ARAP2: variants seen among roughly 807,000 people sequenced by gnomAD.
The protein encoded by ARAP2 is arf-GAP with Rho-GAP domain, ANK repeat and PH domain-containing protein 2.
A neutral mutation model predicts 194.5 loss-of-function variants in ARAP2; 148 were observed. That is an observed-to-expected ratio of 0.76 (90% CI 0.67 to 0.87). ARAP2 has a LOEUF of 0.87. ARAP2 is among the 40% of genes least tolerant of loss of function. The pLI, the probability that ARAP2 is intolerant of heterozygous loss-of-function variation, is 0.00. For synonymous variants in ARAP2, 695 were observed against 683.5 expected, an observed-to-expected ratio of 1.02 and a Z score of -0.26; for missense variants, 2,128 against 1,989.7, an observed-to-expected ratio of 1.07 and a Z score of -1.32.
intron 27 of ARAP2, among the ~76,000 whole-genome samples, chr4:36,092,747 T>G (rs1013557399): frequency 6.6e-5 from 10 of 152,218 alleles, no homozygotes; most frequent in African/African-American, 2.2e-4. Context: ...TTTTTTCTAA[T>G]GTGGCTACTA....
At chr4:36,057,348 G>GT (rs77470022) in intron 2 of ARAP2, among the ~76,000 whole-genome samples, 1,497 of 143,700 alleles carry the variant, frequency 0.01, 25 homozygotes, top group African/African-American at 0.03. Flanking sequence ...TTTTGTGTAG[G>GT]TTTTTTTTTT....
intron 6 of ARAP2, among the ~76,000 whole-genome samples, chr4:36,196,642 AC>A (rs769087163): frequency 2.0e-5 from 3 of 152,200 alleles, no homozygotes; most frequent in Non-Finnish European, 2.9e-5. Context: ...GGAATGAGAA[AC>A]CACAGGGTGT....
At position 36,133,283 on chromosome 4, in the gene ARAP2, T is replaced by C. The variant is rs769505041; in HGVS notation, c.3370A>G (p.Ser1124Gly). The C allele has an allele frequency of 3.1e-6, 5 of 1,611,404 alleles. No homozygotes were observed. Among genetic ancestry groups the C allele is most frequent in the Admixed American group, 3.3e-5 (2 of 59,710 alleles). The part of the protein sequence containing the change: ...DGNALQDQQL[S>G]KNDVPIIVNS... The stretch of plus-strand genomic sequence containing the variant: ...ACTATAATGGGAACGTCATTTTTGC[T>C]GAGCTGCTGATCTTGTAAAGCATTA... The change falls in exon 20 of 33, where the codon AGC (serine) becomes GGC (glycine). Residue 1124 changes from serine (S) to glycine (G), a missense_variant. Ser to Gly is a moderately conservative substitution (Grantham distance 56). Transcript: ENST00000303965.
At chr4:36,223,782 A>G (rs1283041104) in intron 2 of ARAP2, among the ~76,000 whole-genome samples, 1 of 152,030 alleles carries the variant, frequency 6.6e-6, no homozygotes, top group African/African-American at 2.4e-5. Flanking sequence ...CAAGAAGGCC[A>G]CCATCTGATA....
intron 5 of ARAP2, among the ~76,000 whole-genome samples, chr4:36,023,414 C>A (rs1420346247): frequency 6.6e-6 from 1 of 152,026 alleles, no homozygotes; most frequent in Non-Finnish European, 1.5e-5. Flanking sequence ...ATTGCATGAT[C>A]ATCTTCATCT....
At chr4:36,129,584 C>T (rs59962361) in intron 20 of ARAP2, among the ~76,000 whole-genome samples, 46,905 of 151,604 alleles carry the variant, frequency 0.31, 8,316 homozygotes, top group East Asian at 0.47. Flanking sequence ...CCCCTAACTT[C>T]CATGATATCA....
intron 5 of ARAP2, among the ~76,000 whole-genome samples, chr4:36,037,235 T>C (rs1720076046): frequency 6.6e-6 from 1 of 152,184 alleles, no homozygotes; most frequent in Admixed American, 6.6e-5. Context: ...GCACTGACAT[T>C]GTGGTGTCAT....
chr4:36,195,714 T>G (rs923823703), intron 6 of ARAP2, among the ~76,000 whole-genome samples: 1 of 152,212 alleles, frequency 6.6e-6, no homozygotes, highest in Non-Finnish European at 1.5e-5. Flanking sequence ...CTAAACCAAC[T>G]ACAAAGAAAT....
chr4:36,137,302 T>G (rs184414377), intron 19 of ARAP2, among the ~76,000 whole-genome samples: 13 of 151,980 alleles, frequency 8.6e-5, no homozygotes. Flanking sequence ...TGGAAATAAG[T>G]TGAAATCCCA....
At chr4:36,221,922 T>G (rs946714344) in intron 2 of ARAP2, among the ~76,000 whole-genome samples, 1 of 152,114 alleles carries the variant, frequency 6.6e-6, no homozygotes, top group African/African-American at 2.4e-5. Context: ...GGTATCCTAA[T>G]CCTACCAATA....
At chr4:36,098,560 A>G (rs1715969840) in intron 27 of ARAP2, among the ~76,000 whole-genome samples, 1 of 152,132 alleles carries the variant, frequency 6.6e-6, no homozygotes, top group Non-Finnish European at 1.5e-5. Flanking sequence ...TAAAACATGA[A>G]ATAAATGGAC....
At chr4:36,207,601 G>A (rs959156358) in intron 6 of ARAP2, among the ~76,000 whole-genome samples, 2 of 152,130 alleles carry the variant, frequency 1.3e-5, no homozygotes, top group African/African-American at 2.4e-5. Context: ...ACAACCATGC[G>A]AAATAAGCTC....
chr4:36,222,434 T>G (rs1307819041), intron 2 of ARAP2, among the ~76,000 whole-genome samples: 1 of 151,992 alleles, frequency 6.6e-6, no homozygotes, highest in Non-Finnish European at 1.5e-5. Context: ...AATAAATTGT[T>G]TTTAAAATCA....
At chr4:36,182,378 G>C (rs1359001546) in intron 8 of ARAP2, among the ~76,000 whole-genome samples, 1 of 152,140 alleles carries the variant, frequency 6.6e-6, no homozygotes, top group Non-Finnish European at 1.5e-5. Context: ...CATAGTCCCA[G>C]CTACTTCGGA....
intron 2 of ARAP2, among the ~76,000 whole-genome samples, chr4:36,225,824 AAT>A (rs1750178845): frequency 6.6e-6 from 1 of 152,120 alleles, no homozygotes; most frequent in African/African-American, 2.4e-5. Flanking sequence ...GCCATAAAGA[AAT>A]ATTTTCTTTT....
chr4:36,134,812 A>G (rs1578017427), intron 19 of ARAP2, among the ~76,000 whole-genome samples: 2 of 151,296 alleles, frequency 1.3e-5, no homozygotes, highest in Admixed American at 1.3e-4. Context: ...GGCTACTCCA[A>G]ACCTTCCCCC....
chr4:36,073,733 T>C lies in ARAP2; in HGVS notation c.4699A>G (p.Ile1567Val). The change falls in exon 32 of 33, where the codon ATA becomes GTA. Residue 1567 changes from isoleucine (I) to valine (V), a missense_variant. Physicochemically the swap from Ile to Val is conservative, Grantham distance 29. Transcript: ENST00000303965. Reference sequence around the variant, plus strand: ...AAGGTTGCATTCCCCTCATGCTGTATAGGAATCAGAGGCAAACCTCCAATT... The same window carrying C: ...AAGGTTGCATTCCCCTCATGCTGTACAGGAATCAGAGGCAAACCTCCAATT... ...PKIGGLPLIP[I>V]QHEGNATLAR... The C allele has an allele frequency of 1.9e-6, 3 of 1,613,350 alleles. No homozygotes were observed. Among genetic ancestry groups the C allele is most frequent in the Non-Finnish European group, 1.7e-6 (2 of 1,179,434 alleles).
At position 36,013,599 on chromosome 4, in the gene ARAP2, T is replaced by C. The variant is rs551914796; in HGVS notation, n.1057-768A>G. On this transcript the variant is annotated intron_variant and non_coding_transcript_variant, in intron 8 of 12. Transcript: ENST00000503225. ...GGATTTAGATCAAGATAGGTTAGTA[T>C]ATTTGCTGATGGGAGCAAGTGGAAT... Among the ~76,000 whole-genome samples the C allele has an allele frequency of 2.0e-5, 3 of 152,324 alleles. No homozygotes were observed. The South Asian group carries it at 6.2e-4, about 32-fold the overall frequency.
chr4:36,042,798 C>T (rs1402404369), intron 5 of ARAP2, among the ~76,000 whole-genome samples: 1 of 151,718 alleles, frequency 6.6e-6, no homozygotes, highest in Non-Finnish European at 1.5e-5. Flanking sequence ...CACTTACTCA[C>T]TTATTCATCC....
Sources: gnomAD v4.1 joint callset for allele counts (sites outside exome capture counted in the v4.1 genomes callset) on GRCh38, gnomAD v4.1.1 for gene constraint, MANE v1.5 for transcripts, NCBI Gene and HGNC (gene_info 2026-07-23, HGNC 2026-07-21) for gene names.